TMPRSS5: variants seen among roughly 807,000 people sequenced by gnomAD.
The protein encoded by TMPRSS5 is transmembrane serine protease 5, also known as transmembrane protease serine 5.
In TMPRSS5, 45 loss-of-function variants were observed where a neutral mutation model predicts 59.7. The observed-to-expected ratio is 0.75, with a 90% CI of 0.59 to 0.97. The LOEUF (loss-of-function observed/expected upper bound fraction) is 0.97. Among genes scored for constraint, TMPRSS5 ranks in the 50% least tolerant of loss-of-function variants. The pLI, the probability that TMPRSS5 is intolerant of heterozygous loss-of-function variation, is 0.00. For synonymous variants in TMPRSS5, 225 were observed against 232.0 expected (o/e 0.97, Z 0.27); for missense variants, 585 against 596.7 (o/e 0.98, Z 0.20).
At chr11:113,693,018 C>A in intron 9 of TMPRSS5, 53 bp downstream of exon 9, 1 of 1,394,746 alleles carries the variant, frequency 7.2e-7, no homozygotes, top group Non-Finnish European at 9.9e-7. Context: ...ACCCAGCCCC[C>A]GCCCTCTCTC....
At chr11:113,690,801 A>C (rs1591372569) in intron 10 of TMPRSS5, 40 bp downstream of exon 10, 1 of 1,533,898 alleles carries the variant, frequency 6.5e-7, no homozygotes, top group Non-Finnish European at 8.8e-7. Context: ...AATGCCTCCC[A>C]CACCCGCCCC....
In TMPRSS5 at chr11:113,688,210, A is replaced by G. The variant is rs749017479; in HGVS notation, c.*50T>C. 1.3e-6 allele frequency: 2 copies of G among 1,557,660 alleles called. No homozygotes were observed. Among genetic ancestry groups the G allele is most frequent in the East Asian group, 4.8e-5 (2 of 42,014 alleles). On this transcript the variant is annotated 3_prime_UTR_variant, in exon 13 of 13. Coordinates refer to ENST00000299882, the MANE Select transcript of TMPRSS5 (RefSeq NM_030770.4). ...CATTAGTGGAGCTGCTGGAGGCCCCAGGAAGCATGAGGCAGTGGTGTGCAG... is the reference window on the plus strand; with the variant it reads ...CATTAGTGGAGCTGCTGGAGGCCCCGGGAAGCATGAGGCAGTGGTGTGCAG...
intron 1 of TMPRSS5, 95 bp from the exon 2 acceptor site, chr11:113,700,263 C>T: frequency 9.0e-7 from 1 of 1,104,980 alleles, no homozygotes; most frequent in Non-Finnish European, 1.3e-6. Context: ...TTAACCCCAG[C>T]CATGATTCCA....
In TMPRSS5 at chr11:113,693,071, C is replaced by T. The variant is rs757275362; in HGVS notation, c.964G>A (p.Asp322Asn). ...GCCCACCCTCAAGCCAGTGCCGCAC[C>T]TGAGAAGTTGAGAGCGGTCTGGAGC... ...LRLQTALNFSDTVGAVCLPAK... is the reference protein window; with the variant it reads ...LRLQTALNFSNTVGAVCLPAK... The change falls in exon 9 of 13, where the codon GAC becomes AAC. Residue 322 changes from aspartate to asparagine, a missense_variant and splice_region_variant. By Grantham distance (23) the Asp-to-Asn change is conservative. Transcript: ENST00000299882. 32 of 1,564,200 alleles carry T rather than the reference C, an allele frequency of 2.0e-5. No homozygotes were observed. The South Asian group carries it at 3.5e-4, about 17-fold the overall frequency.
chr11:113,695,562 A>T, intron 6 of TMPRSS5, 119 bp from the exon 7 acceptor site: 1 of 943,548 alleles, frequency 1.1e-6, no homozygotes, highest in East Asian at 2.6e-5. Context: ...TAAGGCTGTC[A>T]TGTAGCCACA....
At chr11:113,690,176 G>GGCCCC in intron 11 of TMPRSS5, 55 bp downstream of exon 11, 18 of 388,220 alleles carry the variant, frequency 4.6e-5, no homozygotes, top group Non-Finnish European at 5.8e-5. Flanking sequence ...CAGGCCCCCT[G>GGCCCC]CCCTCCCACC....
At chr11:113,689,678 G>C in intron 12 of TMPRSS5, 87 bp downstream of exon 12, 1 of 1,469,154 alleles carries the variant, frequency 6.8e-7, no homozygotes. Context: ...GTCCCCAGCA[G>C]GGCCCGGGCC....
chr11:113,695,413 G>A lies in TMPRSS5; in HGVS notation c.609C>T (p.Ser203=), dbSNP rs1247399154. ...RNNCTSGQVV[S]LRCSECGARP... ...GATATGACTCACCAGAGCATCTGAGGGAAACAACTTGACCAGAAGTGCAGT... is the reference window on the plus strand; with the variant it reads ...GATATGACTCACCAGAGCATCTGAGAGAAACAACTTGACCAGAAGTGCAGT... The change falls in exon 7 of 13, where the codon TCC becomes TCT. Residue 203 remains serine, a synonymous_variant. Coordinates refer to ENST00000299882, the MANE Select transcript of TMPRSS5 (RefSeq NM_030770.4). 2.5e-6 allele frequency: 4 copies of A among 1,613,792 alleles called. No homozygotes were observed. The highest frequency in any genetic ancestry group is 2.5e-6 in the Non-Finnish European group (3 of 1,179,884).
intron 9 of TMPRSS5, among the ~76,000 whole-genome samples, chr11:113,691,892 CTTTTTT>C (rs58784708): frequency 1.7e-5 from 2 of 121,114 alleles, no homozygotes; most frequent in African/African-American, 7.3e-5. Context: ...CCTTTTTTTT[CTTTTTT>C]TTTTTTTGAG....
intron 4 of TMPRSS5, among the ~76,000 whole-genome samples, chr11:113,698,322 T>C (rs1004097438): frequency 6.6e-5 from 10 of 152,164 alleles, no homozygotes; most frequent in Admixed American, 5.2e-4. Flanking sequence ...CTTAAACAAT[T>C]TGTGCAGTAA....
chr11:113,699,758 A>C (rs1230787384), intron 2 of TMPRSS5, 65 bp from the exon 3 acceptor site: 5 of 1,498,984 alleles, frequency 3.3e-6, no homozygotes, highest in Non-Finnish European at 4.5e-6. Context: ...ACTTCACCCT[A>C]AGTCACCACT....
rs538641785 is a variant in TMPRSS5 at position 113,693,236 on chromosome 11, G to C, written c.799C>G (p.Arg267Gly). Residue 267 changes from arginine to glycine, a missense_variant, in exon 9 of 13, where the codon CGC becomes GGC. By Grantham distance (125) the Arg-to-Gly change is moderately radical. Coordinates refer to ENST00000299882, the MANE Select transcript of TMPRSS5 (RefSeq NM_030770.4). ...GCATGAACCCGCCAGCTGGACAGGC[G>C]GGCCAGCCTGAAACTGCACACAGGG... is the stretch of plus-strand genomic sequence containing the variant. ...AHCMHSFRLARLSSWRVHAGL... is the reference protein window; with the variant it reads ...AHCMHSFRLAGLSSWRVHAGL... 6.4e-7 allele frequency: 1 copy of C among 1,567,734 alleles called. No homozygotes were observed.
intron 1 of TMPRSS5, among the ~76,000 whole-genome samples, chr11:113,705,610 G>C (rs1953269131): frequency 6.6e-6 from 1 of 152,228 alleles, no homozygotes. Flanking sequence ...TGAGGCTGCA[G>C]GACAGCAGGC....
Position 113,691,892 on chromosome 11 carries a change from C to CTTTTTTTTTTT in TMPRSS5, c.965-964_965-954dup, listed in dbSNP as rs58784708. 2.0e-3 allele frequency among the ~76,000 whole-genome samples: 247 copies of CTTTTTTTTTTT among 121,080 alleles called. 35 individuals are homozygous for CTTTTTTTTTTT. Among genetic ancestry groups the CTTTTTTTTTTT allele is most frequent in the East Asian group, 7.4e-3 (30 of 4,050 alleles). 79.4% of individuals were successfully genotyped at this position (121,080 alleles called of 152,430 possible). ...AGAAAGTTTTCTTTTCCTTTTTTTTCTTTTTTTTTTTTTGAGACGGAGTCT... is the reference window on the plus strand; with the variant it reads ...AGAAAGTTTTCTTTTCCTTTTTTTTCTTTTTTTTTTTTTTTTTTTTTTTTGAGACGGAGTCT... On this transcript the variant is annotated intron_variant, in intron 9 of 12. Coordinates refer to ENST00000299882, the MANE Select transcript of TMPRSS5 (RefSeq NM_030770.4).
At position 113,699,264 on chromosome 11, in the gene TMPRSS5, T is replaced by TCC. The variant is rs1565263726; in HGVS notation, c.206-238_206-237insGG. Among the ~76,000 whole-genome samples, 17 of 95,458 alleles carry TCC rather than the reference T, an allele frequency of 1.8e-4. 1 individual carries two copies. The highest frequency in any genetic ancestry group is 6.4e-4 in the African/African-American group (13 of 20,226). 62.6% of individuals were successfully genotyped at this position (95,458 alleles called of 152,430 possible). A position where few individuals can be genotyped will look rare whatever the true frequency, so the allele number is the denominator to read the frequency against. ...CTCTCTCTCTCTCTCTCTCTCTCTC[T>TCC]CTCTCTCCCTCTCTCTCTCTCTCTC... On this transcript the variant is annotated intron_variant, in intron 3 of 12. Coordinates refer to ENST00000299882, the MANE Select transcript of TMPRSS5 (RefSeq NM_030770.4).
At chr11:113,698,713 C>T in intron 4 of TMPRSS5, 192 bp downstream of exon 4, 1 of 661,576 alleles carries the variant, frequency 1.5e-6, no homozygotes, top group Non-Finnish European at 2.6e-6. Flanking sequence ...CAGGACAGTC[C>T]TCAGGCAGTG....
In TMPRSS5 at chr11:113,699,599, G is replaced by C; in HGVS notation, c.201C>G (p.Leu67=). ...AGAAAGGCCCCCAGCACTGACCTAG[G>C]AGCCATGAGCCAACACCTGCACCGG... ...LLAGAGVGSW[L]LVLYLCPAAS... Residue 67 remains leucine (L), a synonymous_variant, in exon 3 of 13, where the codon CTC becomes CTG. Coordinates refer to ENST00000299882, the MANE Select transcript of TMPRSS5 (RefSeq NM_030770.4). 6.4e-7 allele frequency: 1 copy of C among 1,573,364 alleles called. No homozygotes were observed. Among genetic ancestry groups the C allele is most frequent in the Non-Finnish European group, 8.6e-7 (1 of 1,160,016 alleles).
intron 1 of TMPRSS5, among the ~76,000 whole-genome samples, chr11:113,701,433 T>TA (rs59514153): frequency 0.74 from 111,735 of 151,232 alleles, 42,394 homozygotes; most frequent in African/African-American, 0.92. Context: ...AGCAAAAAAG[T>TA]GAAGCATTTT....
In TMPRSS5 at chr11:113,696,858, C is replaced by A. The variant is rs1439744503; in HGVS notation, c.578G>T (p.Arg193Met). Reference sequence around the variant, plus strand: ...CACCTAACAGCCTCAGTAGTCCTACCTGGGCTGCCACGCCTCCTCCAGGAA... The same window carrying A: ...CACCTAACAGCCTCAGTAGTCCTACATGGGCTGCCACGCCTCCTCCAGGAA... ...GGFLEEAWQP[R>M]NNCTSGQVVS... The change falls in exon 6 of 13, where the codon AGG (arginine) becomes ATG (methionine). Residue 193 changes from arginine (R) to methionine (M), a missense_variant and splice_region_variant. By Grantham distance (91) the Arg-to-Met change is moderately conservative. Transcript: ENST00000299882. 6.4e-7 allele frequency: 1 copy of A among 1,557,154 alleles called. No individual in the cohort carries two copies. The highest frequency in any genetic ancestry group is 1.4e-5 in the African/African-American group (1 of 73,412).
Sources: allele counts gnomAD v4.1 joint callset (sites outside exome capture counted in the v4.1 genomes callset), GRCh38; gene constraint gnomAD v4.1.1; transcripts MANE v1.5; gene names NCBI Gene and HGNC (gene_info 2026-07-23, HGNC 2026-07-21).